Variants in DTNA observed in about 807,000 individuals in gnomAD.
DTNA encodes the protein dystrobrevin alpha, also known as dystrophin-related protein 3.
In DTNA, 43 loss-of-function variants were observed where a neutral mutation model predicts 100.7. The ratio of observed to expected loss-of-function variants is 0.43; its 90% CI spans 0.33 to 0.55. The LOEUF (loss-of-function observed/expected upper bound fraction) is 0.55, where lower values mean the gene tolerates loss of function less well. DTNA is among the 20% of genes least tolerant of loss of function. The pLI, the probability that DTNA is intolerant of heterozygous loss-of-function variation, is 0.04. For synonymous variants in DTNA, 349 were observed against 347.9 expected (o/e 1.00, Z -0.04); for missense variants, 798 against 953.9 (o/e 0.84, Z 2.15).
intron 17 of DTNA, chr18:34,866,580 G>T (rs551878647): frequency 2.0e-6 from 2 of 1,009,962 alleles, no homozygotes; most frequent in Admixed American, 5.2e-5. Flanking sequence ...TATTCAGTTC[G>T]GTTTCATTTT....
intron 7 of DTNA, among the ~76,000 whole-genome samples, chr18:34,817,521 G>C (rs1262785984): frequency 1.3e-5 from 2 of 151,776 alleles, no homozygotes; most frequent in Non-Finnish European, 2.9e-5. Context: ...GAATTATTTA[G>C]AACTGTTTTC....
chr18:34,666,096 C>G (rs192139215), intron 1 of DTNA, among the ~76,000 whole-genome samples: 8 of 152,104 alleles, frequency 5.3e-5, no homozygotes, highest in African/African-American at 1.7e-4. Flanking sequence ...TGTTTCCTGA[C>G]TTTTAATGAT....
chr18:34,813,430 C>G (rs528113042), intron 6 of DTNA, among the ~76,000 whole-genome samples: 68 of 142,996 alleles, frequency 4.8e-4, no homozygotes, highest in Admixed American at 9.1e-4. Flanking sequence ...GGCGACAGAG[C>G]AAGGCCCTGT....
intron 1 of DTNA, among the ~76,000 whole-genome samples, chr18:34,565,068 A>G (rs1313389929): frequency 6.6e-6 from 1 of 152,158 alleles, no homozygotes; most frequent in African/African-American, 2.4e-5. Flanking sequence ...AAGCATCTAT[A>G]TTGTAATATG....
At chr18:34,837,369 A>G (rs1314313246) in intron 11 of DTNA, among the ~76,000 whole-genome samples, 1 of 152,180 alleles carries the variant, frequency 6.6e-6, no homozygotes, top group South Asian at 2.1e-4. Context: ...TATTATTTAT[A>G]TTTCTATTTG....
intron 1 of DTNA, among the ~76,000 whole-genome samples, chr18:34,538,381 T>C (rs886207181): frequency 6.6e-6 from 1 of 152,006 alleles, no homozygotes; most frequent in African/African-American, 2.4e-5. Flanking sequence ...CAATCACAGA[T>C]TTCTTAAAAA....
intron 15 of DTNA, 88 bp downstream of exon 15, chr18:34,852,016 A>T (rs2096486472): frequency 7.5e-7 from 1 of 1,339,390 alleles, no homozygotes; most frequent in Non-Finnish European, 1.1e-6. Context: ...TCAGGGCTTT[A>T]CACCCTGTAT....
chr18:34,494,788 T>C (rs368340702), intron 1 of DTNA, among the ~76,000 whole-genome samples: 2 of 152,244 alleles, frequency 1.3e-5, no homozygotes, highest in African/African-American at 4.8e-5. Flanking sequence ...TTTCCTGTTA[T>C]ATGTCATCAC....
intron 1 of DTNA, among the ~76,000 whole-genome samples, chr18:34,689,495 C>T (rs763657860): frequency 1.7e-4 from 26 of 152,192 alleles, no homozygotes; most frequent in Non-Finnish European, 3.2e-4. Context: ...GCAGAGATTG[C>T]TGCCTGCTCC....
At chr18:34,876,292 A>G (rs1317384832) in intron 18 of DTNA, among the ~76,000 whole-genome samples, 1 of 152,224 alleles carries the variant, frequency 6.6e-6, no homozygotes, top group Non-Finnish European at 1.5e-5. Context: ...ATAGAGATCT[A>G]AGGAAAAGAG....
At chr18:34,818,503 CT>C (rs2095642716) in intron 8 of DTNA, 173 bp downstream of exon 8, 1 of 1,505,492 alleles carries the variant, frequency 6.6e-7, no homozygotes, top group South Asian at 1.3e-5. Flanking sequence ...CTTACTTATT[CT>C]GTTGGAACCC....
rs2095495759 is a variant in DTNA at position 34,811,993 on chromosome 18, G to A, written c.483G>A (p.Val161=). 1.2e-6 allele frequency: 2 copies of A among 1,613,912 alleles called. No individual in the cohort carries two copies. Among genetic ancestry groups the A allele is most frequent in the Non-Finnish European group, 8.5e-7 (1 of 1,179,942 alleles). Residue 161 remains valine (V), a synonymous_variant, in exon 6 of 23, where the codon GTG becomes GTA. Transcript: ENST00000444659. ...IFSMISDSSG[V]MVYGRYDQFL... is the part of the protein sequence containing the mutation. ...CAATGATTTCTGACTCCAGTGGGGT[G>A]ATGGTTTATGGACGATATGACCAAT...
At chr18:34,557,909 T>A (rs1168270375) in intron 1 of DTNA, 8 of 153,116 alleles carry the variant, frequency 5.2e-5, no homozygotes, top group African/African-American at 1.9e-4. Context: ...AGTTCTAGCT[T>A]CCCGGCTGCT....
intron 1 of DTNA, among the ~76,000 whole-genome samples, chr18:34,497,216 C>A (rs1309534868): frequency 6.6e-6 from 1 of 152,060 alleles, no homozygotes; most frequent in Admixed American, 6.5e-5. Context: ...CAAAATAGAA[C>A]TTTAATTGAT....
chr18:34,650,959 A>G (rs1395912743), intron 1 of DTNA, among the ~76,000 whole-genome samples: 1 of 152,196 alleles, frequency 6.6e-6, no homozygotes, highest in East Asian at 1.9e-4. Flanking sequence ...TATTAGTAGT[A>G]CACCCTTTTA....
intron 1 of DTNA, among the ~76,000 whole-genome samples, chr18:34,655,610 T>C (rs1298320293): frequency 2.6e-5 from 4 of 152,250 alleles, no homozygotes; most frequent in Admixed American, 2.6e-4. Context: ...ATTATATGGA[T>C]ATTAATTTCT....
At chr18:34,844,709 A>G (rs1175822691) in intron 13 of DTNA, among the ~76,000 whole-genome samples, 3 of 152,178 alleles carry the variant, frequency 2.0e-5, no homozygotes, top group African/African-American at 7.2e-5. Context: ...TTGCATTTAT[A>G]TATGCTATAT....
chr18:34,512,400 A>C (rs1181229107), intron 1 of DTNA, among the ~76,000 whole-genome samples: 1 of 152,042 alleles, frequency 6.6e-6, no homozygotes, highest in Non-Finnish European at 1.5e-5. Context: ...GTCTGCTAGG[A>C]ACTATCAGAT....
At chr18:34,693,862 T>C (rs1410080049) in intron 1 of DTNA, among the ~76,000 whole-genome samples, 2 of 151,964 alleles carry the variant, frequency 1.3e-5, no homozygotes, top group Non-Finnish European at 2.9e-5. Context: ...AGATATAATG[T>C]AATGCTAAAA....
Sources: gnomAD v4.1 joint callset for allele counts (sites outside exome capture counted in the v4.1 genomes callset) on GRCh38, gnomAD v4.1.1 for gene constraint, MANE v1.5 for transcripts, NCBI Gene and HGNC (gene_info 2026-07-23, HGNC 2026-07-21) for gene names.